Variants in UBE2G1 observed in about 807,000 individuals in gnomAD.
UBE2G1 encodes the protein ubiquitin-conjugating enzyme E2 G1.
In UBE2G1, 5 loss-of-function variants were observed where a neutral mutation model predicts 22.7. That is an observed-to-expected ratio of 0.22 (90% CI 0.12 to 0.46). The LOEUF (loss-of-function observed/expected upper bound fraction) is 0.46. Ranked by LOEUF, UBE2G1 falls within the 20% of genes least tolerant of loss-of-function variation. The probability of loss-of-function intolerance (pLI) is 0.99; values close to 1 mark genes in which losing one functional copy is unlikely to be tolerated. For missense variants in UBE2G1, 88 were observed against 203.9 expected (o/e 0.43, Z 3.46); for synonymous variants, 74 against 67.5 (o/e 1.10, Z -0.47).
At chr17:4,344,433 G>A (rs187156860) in intron 1 of UBE2G1, among the ~76,000 whole-genome samples, 60 of 152,088 alleles carry the variant, frequency 3.9e-4, no homozygotes, top group African/African-American at 7.2e-4. Context: ...CCAGCTACTC[G>A]GGAGGCTGAG....
intron 2 of UBE2G1, among the ~76,000 whole-genome samples, chr17:4,304,393 A>G (rs918166047): frequency 2.6e-5 from 4 of 152,206 alleles, no homozygotes; most frequent in African/African-American, 9.7e-5. Flanking sequence ...TCAGTCTGAA[A>G]ACAGTTGGTA....
At chr17:4,289,135 G>GCATA in intron 4 of UBE2G1, 95 bp downstream of exon 4, 1 of 1,014,070 alleles carries the variant, frequency 9.9e-7, no homozygotes. Context: ...ACACACGCAT[G>GCATA]CATACATTCA....
intron 1 of UBE2G1, among the ~76,000 whole-genome samples, chr17:4,344,035 A>G (rs1243257562): frequency 6.6e-6 from 1 of 152,206 alleles, no homozygotes; most frequent in Non-Finnish European, 1.5e-5. Context: ...AAACAGGCAA[A>G]CAAATACAAT....
intron 1 of UBE2G1, among the ~76,000 whole-genome samples, chr17:4,359,863 A>C (rs569309293): frequency 1.7e-3 from 256 of 150,970 alleles, no homozygotes; most frequent in African/African-American, 5.6e-3. Flanking sequence ...AAAAAAAAAA[A>C]AAAACAAACA....
At chr17:4,353,812 A>ATTTTTTTTTTTTTTTTTT (rs11437680) in intron 1 of UBE2G1, among the ~76,000 whole-genome samples, 2 of 104,850 alleles carry the variant, frequency 1.9e-5, no homozygotes, top group Non-Finnish European at 3.6e-5. Context: ...GCCCGGTCAA[A>ATTTTTTTTTTTTTTTTTT]TTTTTTTTTT....
intron 2 of UBE2G1, chr17:4,302,413 G>A: frequency 2.0e-6 from 1 of 506,890 alleles, no homozygotes; most frequent in Non-Finnish European, 4.0e-6. Flanking sequence ...GCTTGCCTGT[G>A]CATTTTGGCC....
At chr17:4,348,324 C>T (rs577539592) in intron 1 of UBE2G1, among the ~76,000 whole-genome samples, 96 of 148,900 alleles carry the variant, frequency 6.4e-4, no homozygotes, top group African/African-American at 2.3e-3. Context: ...GAGGCCGAGG[C>T]GGGCGGATCA....
chr17:4,301,805 T>A, intron 2 of UBE2G1: 1 of 561,284 alleles, frequency 1.8e-6, no homozygotes, highest in African/African-American at 1.9e-5. Flanking sequence ...AAACCTGGTG[T>A]CTGGACTCCA....
chr17:4,302,043 A>ATGT, intron 2 of UBE2G1: 1 of 497,498 alleles, frequency 2.0e-6, no homozygotes, highest in Admixed American at 2.2e-5. Flanking sequence ...ACAACAACAA[A>ATGT]AAAAGGGGGG....
At chr17:4,276,334 T>A (rs933175502) in intron 5 of UBE2G1, among the ~76,000 whole-genome samples, 1 of 151,964 alleles carries the variant, frequency 6.6e-6, no homozygotes, top group Non-Finnish European at 1.5e-5. Context: ...ACCACCGTAC[T>A]GGCTAATTTT....
chr17:4,300,223 A>G (rs113329784), intron 2 of UBE2G1, among the ~76,000 whole-genome samples: 2,622 of 152,264 alleles, frequency 0.017, 71 homozygotes, highest in African/African-American at 0.06. Flanking sequence ...AACATGTCAC[A>G]TATCCACTAT....
chr17:4,319,428 A>C (rs1382795843), intron 1 of UBE2G1, among the ~76,000 whole-genome samples: 2 of 152,190 alleles, frequency 1.3e-5, no homozygotes, highest in Non-Finnish European at 2.9e-5. Context: ...CCTGAAGAAG[A>C]ATGTGATAAA....
intron 1 of UBE2G1, among the ~76,000 whole-genome samples, chr17:4,357,513 G>GGT (rs1367434572): frequency 1.2e-5 from 1 of 84,756 alleles, no homozygotes; most frequent in Non-Finnish European, 2.5e-5. Flanking sequence ...GTGTGTGGGG[G>GGT]GGGGGGGTGG....
chr17:4,329,850 A>G (rs1969550854), intron 1 of UBE2G1, among the ~76,000 whole-genome samples: 1 of 150,294 alleles, frequency 6.7e-6, no homozygotes, highest in African/African-American at 2.5e-5. Flanking sequence ...GATTTATAGT[A>G]ACGTCAGTAA....
intron 2 of UBE2G1, chr17:4,301,914 C>T: frequency 2.0e-6 from 1 of 490,526 alleles, no homozygotes. Context: ...GCTGGTCACA[C>T]AACCCCTGGG....
chr17:4,345,211 T>C (rs1285115799), intron 1 of UBE2G1, among the ~76,000 whole-genome samples: 2 of 152,168 alleles, frequency 1.3e-5, no homozygotes, highest in African/African-American at 4.8e-5. Flanking sequence ...TTATTTTAGA[T>C]TCAGGGGGTT....
Position 4,272,276 on chromosome 17 carries a change from G to T in UBE2G1, c.*278C>A, listed in dbSNP as rs549775070. 1 of 153,958 alleles carries T rather than the reference G, an allele frequency of 6.5e-6. No homozygotes were observed. The highest frequency in any genetic ancestry group is 1.5e-5 in the Non-Finnish European group (1 of 68,822). The allele number at this position is 153,958 out of a possible 1,614,324, so 9.5% of individuals were successfully genotyped here. ...TACATGAACAGTATATATATTATCC[G>T]GATCATGTTGTGCTATGTACAGGTC... On this transcript the variant is annotated 3_prime_UTR_variant, in exon 6 of 6. Coordinates refer to ENST00000396981, the MANE Select transcript of UBE2G1 (RefSeq NM_003342.5).
intron 1 of UBE2G1, among the ~76,000 whole-genome samples, chr17:4,328,476 A>G (rs1969526997): frequency 1.3e-5 from 2 of 152,250 alleles, no homozygotes; most frequent in South Asian, 2.1e-4. Context: ...GAGATACAGT[A>G]AAGTCTATGA....
chr17:4,338,114 G>A (rs1279176632), intron 1 of UBE2G1, among the ~76,000 whole-genome samples: 1 of 151,222 alleles, frequency 6.6e-6, no homozygotes, highest in African/African-American at 2.4e-5. Context: ...AGGTTGCAGT[G>A]AGCTCAGATC....
Sources: gnomAD v4.1 joint callset for allele counts (sites outside exome capture counted in the v4.1 genomes callset) on GRCh38, gnomAD v4.1.1 for gene constraint, MANE v1.5 for transcripts, NCBI Gene and HGNC (gene_info 2026-07-23, HGNC 2026-07-21) for gene names.